The following GLI3 variants were observed in gnomAD, a reference collection of about 807,000 sequenced individuals.
GLI3 encodes the protein transcription activator GLI3.
Under a neutral mutation model 100.8 loss-of-function variants are expected in GLI3, and 20 were observed. That is an observed-to-expected ratio of 0.20 (90% CI 0.14 to 0.29). The LOEUF is 0.29. GLI3 is among the 10% of genes least tolerant of loss of function. The pLI is 1.00. For synonymous variants in GLI3, 938 were observed against 860.5 expected, an observed-to-expected ratio of 1.09 and a Z score of -1.58; for missense variants, 2,040 against 2,128.5, an observed-to-expected ratio of 0.96 and a Z score of 0.82.
chr7:42,045,354 A>G, intron 6 of GLI3, 30 bp downstream of exon 6: 1 of 1,606,126 alleles, frequency 6.2e-7, no homozygotes, highest in Non-Finnish European at 8.5e-7. Flanking sequence ...GCCATTTCCC[A>G]AGACTCTAGA....
intron 2 of GLI3, among the ~76,000 whole-genome samples, chr7:42,182,470 C>T (rs545329974): frequency 1.3e-4 from 20 of 150,642 alleles, no homozygotes; most frequent in South Asian, 2.1e-4. Flanking sequence ...TCCCTGTAAA[C>T]GCATGCTCTT....
intron 7 of GLI3, among the ~76,000 whole-genome samples, chr7:42,037,862 G>A (rs749612963): frequency 1.3e-5 from 2 of 152,146 alleles, no homozygotes; most frequent in Non-Finnish European, 2.9e-5. Flanking sequence ...GTGAAGATGA[G>A]GAGACCAGGA....
intron 1 of GLI3, among the ~76,000 whole-genome samples, chr7:42,224,826 C>A (rs1038980095): frequency 6.6e-6 from 1 of 152,252 alleles, no homozygotes; most frequent in African/African-American, 2.4e-5. Context: ...CAACCGCCAA[C>A]AACCTGTTGC....
intron 10 of GLI3, among the ~76,000 whole-genome samples, chr7:41,993,369 C>T (rs995381011): frequency 3.3e-5 from 5 of 152,140 alleles, no homozygotes; most frequent in African/African-American, 4.8e-5. Context: ...TCTTCAAATG[C>T]CACCTCCTTA....
chr7:42,069,959 A>C (rs931755565), intron 4 of GLI3, among the ~76,000 whole-genome samples: 1 of 152,244 alleles, frequency 6.6e-6, no homozygotes, highest in Admixed American at 6.5e-5. Flanking sequence ...AAATGTGTGA[A>C]GGGAGGGAGC....
intron 2 of GLI3, among the ~76,000 whole-genome samples, chr7:42,170,703 T>G (rs1290838653): frequency 6.6e-6 from 1 of 152,130 alleles, no homozygotes; most frequent in East Asian, 1.9e-4. Flanking sequence ...CGTCTGGCCT[T>G]GCTGACTTTT....
In GLI3 at chr7:42,187,395, A is replaced by G. The variant is rs1787738113; in HGVS notation, c.124+35735T>C. On this transcript the variant is annotated intron_variant, in intron 2 of 14. Transcript: ENST00000395925. ...GGAAGAAGAAATCAAGAATAAGTTT[A>G]TCAAGTTTATCACTGAAGATGATGG... 2.0e-5 allele frequency among the ~76,000 whole-genome samples: 3 copies of G among 152,170 alleles called. No homozygotes were observed. In the South Asian group the frequency reaches 6.2e-4, roughly 31 times the overall value.
chr7:42,171,370 G>T (rs1787369692), intron 2 of GLI3, among the ~76,000 whole-genome samples: 1 of 152,148 alleles, frequency 6.6e-6, no homozygotes, highest in African/African-American at 2.4e-5. Context: ...TACAGAAGAA[G>T]CAAATTAAAA....
intron 10 of GLI3, among the ~76,000 whole-genome samples, chr7:42,017,487 C>T (rs1367159638): frequency 1.3e-5 from 2 of 152,126 alleles, no homozygotes; most frequent in African/African-American, 4.8e-5. Context: ...CCCGCCACTC[C>T]CAGCCCACCC....
intron 7 of GLI3, among the ~76,000 whole-genome samples, chr7:42,033,184 G>A (rs867570233): frequency 9.2e-5 from 14 of 152,198 alleles, no homozygotes; most frequent in Admixed American, 2.6e-4. Context: ...TCACAAAGGC[G>A]CCAGCTCTCA....
At chr7:42,017,128 A>T (rs1238934916) in intron 10 of GLI3, among the ~76,000 whole-genome samples, 1 of 152,202 alleles carries the variant, frequency 6.6e-6, no homozygotes, top group Non-Finnish European at 1.5e-5. Context: ...AAACAGGAGA[A>T]TACATTATGC....
At chr7:42,236,231 C>T (rs1481861599) in intron 1 of GLI3, among the ~76,000 whole-genome samples, 1 of 152,184 alleles carries the variant, frequency 6.6e-6, no homozygotes, top group South Asian at 2.1e-4. Flanking sequence ...TTTCCCGCTG[C>T]TACTCAAGAA....
chr7:42,048,444 G>A (rs1422058694), intron 5 of GLI3, 47 bp downstream of exon 5: 5 of 1,225,100 alleles, frequency 4.1e-6, no homozygotes, highest in Non-Finnish European at 4.8e-6. Flanking sequence ...TGAGGAGCGG[G>A]GAGGAGGCTG....
intron 3 of GLI3, among the ~76,000 whole-genome samples, chr7:42,087,976 C>T (rs917237328): frequency 5.9e-5 from 9 of 152,080 alleles, no homozygotes. Context: ...ATAAAGCACA[C>T]GACATGGCTT....
Position 41,966,054 on chromosome 7 carries a change from C to T in GLI3, c.3019G>A (p.Asp1007Asn). ...CCCTCGGAGCCTGTCCGCACCGGGT[C>T]GCTGGCCCTCCTCACGCCGTGGCCC... Reference protein sequence around the residue: ...APGHGVRRASDPVRTGSEGLA... With the variant: ...APGHGVRRASNPVRTGSEGLA... Residue 1007 changes from aspartate to asparagine, a missense_variant, in exon 15 of 15, where the codon GAC (aspartate) becomes AAC (asparagine). By Grantham distance (23) the Asp-to-Asn change is conservative. Transcript: ENST00000395925. This position sits in a 1 kb window ranked among gnomAD's most constrained non-coding sequence, Gnocchi z 5.8. 1 of 1,582,740 alleles carries T rather than the reference C, an allele frequency of 6.3e-7. No individual in the cohort carries two copies. The highest frequency in any genetic ancestry group is 8.5e-7 in the Non-Finnish European group (1 of 1,170,760).
rs1320583484 is a variant in GLI3 at position 42,210,416 on chromosome 7, T to C, written c.124+12714A>G. On this transcript the variant is annotated intron_variant, in intron 2 of 14. Coordinates refer to ENST00000395925, the MANE Select transcript of GLI3 (RefSeq NM_000168.6). ...CCTGTAAGACTTGTACTTGTATTATTAGTATACCCCAGTATTATAAAGTTT... is the reference window on the plus strand; with the variant it reads ...CCTGTAAGACTTGTACTTGTATTATCAGTATACCCCAGTATTATAAAGTTT... Among the ~76,000 whole-genome samples, 3 of 142,050 alleles carry C rather than the reference T, an allele frequency of 2.1e-5. No homozygotes were observed. In the Admixed American group the frequency reaches 2.1e-4, roughly 10 times the overall value. The allele number at this position is 142,050 out of a possible 152,430, so 93.2% of individuals were successfully genotyped here. A position where few individuals can be genotyped will look rare whatever the true frequency, so the allele number is the denominator to read the frequency against.
chr7:41,964,622 G>A lies in GLI3; in HGVS notation c.4451C>T (p.Ala1484Val), dbSNP rs1178398580. Residue 1484 changes from alanine (A) to valine (V), a missense_variant, in exon 15 of 15, where the codon GCT becomes GTT. Coordinates refer to ENST00000395925, the MANE Select transcript of GLI3 (RefSeq NM_000168.6). Reference protein sequence around the residue: ...AKNSELLSPGANQVTSTVDSL... With the variant: ...AKNSELLSPGVNQVTSTVDSL... ...GTCCACTGTGCTTGTCACCTGATTA[G>A]CACCTGGGGAAAGTAACTCAGAGTT... 4 of 1,614,002 alleles carry A rather than the reference G, an allele frequency of 2.5e-6. No individual in the cohort carries two copies. The highest frequency in any genetic ancestry group is 1.3e-5 in the African/African-American group (1 of 75,056).
At chr7:42,128,957 T>C (rs914129132) in intron 3 of GLI3, among the ~76,000 whole-genome samples, 1 of 152,194 alleles carries the variant, frequency 6.6e-6, no homozygotes, top group East Asian at 1.9e-4. Flanking sequence ...ACTGACACTA[T>C]TGCAGTCTAG....
intron 1 of GLI3, among the ~76,000 whole-genome samples, chr7:42,249,459 T>C (rs1432955257): frequency 6.6e-6 from 1 of 152,198 alleles, no homozygotes; most frequent in African/African-American, 2.4e-5. Context: ...AAGGCCATAT[T>C]TAGTCTGTGG....
Sources: gnomAD v4.1 joint callset for allele counts (sites outside exome capture counted in the v4.1 genomes callset) on GRCh38, gnomAD v4.1.1 for gene constraint, Gnocchi (gnomAD v3.1) non-coding constraint, MANE v1.5 for transcripts, NCBI Gene and HGNC (gene_info 2026-07-23, HGNC 2026-07-21) for gene names.